The following TRIM44 variants were observed in gnomAD, a reference collection of about 807,000 sequenced individuals.
The protein encoded by TRIM44 is tripartite motif-containing protein 44.
A neutral mutation model predicts 37.4 loss-of-function variants in TRIM44; 13 were observed. That is an observed-to-expected ratio of 0.35 (90% confidence interval 0.23 to 0.55). TRIM44 has a LOEUF of 0.55. TRIM44 is among the 20% of genes least tolerant of loss of function. The probability of loss-of-function intolerance (pLI) is 0.89; values close to 1 mark genes in which losing one functional copy is unlikely to be tolerated. For missense variants in TRIM44, 426 were observed against 437.2 expected (o/e 0.97, Z 0.23); for synonymous variants, 175 against 157.2 (o/e 1.11, Z -0.85).
intron 1 of TRIM44, among the ~76,000 whole-genome samples, chr11:35,682,216 C>T (rs1227199965): frequency 6.6e-6 from 1 of 152,124 alleles, no homozygotes; most frequent in African/African-American, 2.4e-5. Flanking sequence ...CTTCCAGGGC[C>T]TGCAGAGCCT....
chr11:35,803,499 G>C (rs1590612331), intron 4 of TRIM44, among the ~76,000 whole-genome samples: 1 of 152,162 alleles, frequency 6.6e-6, no homozygotes, highest in Middle Eastern at 3.4e-3. Flanking sequence ...GGGAGACTGG[G>C]GCAGGCGGAA....
chr11:35,808,408 A>AAAAG lies in TRIM44; in HGVS notation c.*2025_*2028dup, dbSNP rs1853483752. On this transcript the variant is annotated 3_prime_UTR_variant, in exon 5 of 5. Coordinates refer to ENST00000299413, the MANE Select transcript of TRIM44 (RefSeq NM_017583.6). ...AAAAAATTTAAGTATCAGAAGATTA[A>AAAAG]AAAGATTTTAGGATTTGGAAGCTTG... 6.6e-6 allele frequency: 1 copy of AAAAG among 152,124 alleles called. No homozygotes were observed. Among genetic ancestry groups the AAAAG allele is most frequent in the South Asian group, 2.1e-4 (1 of 4,826 alleles). 9.4% of individuals were successfully genotyped at this position (152,124 alleles called of 1,614,324 possible).
intron 2 of TRIM44, among the ~76,000 whole-genome samples, chr11:35,717,382 G>C (rs1212755428): frequency 3.0e-4 from 46 of 152,206 alleles, no homozygotes. Flanking sequence ...GCAAGTGTTT[G>C]TATGTTACTT....
At chr11:35,715,691 T>G (rs919444223) in intron 2 of TRIM44, among the ~76,000 whole-genome samples, 1 of 152,118 alleles carries the variant, frequency 6.6e-6, no homozygotes, top group African/African-American at 2.4e-5. Context: ...AAGAACTACC[T>G]GAGACTGGGT....
rs139592296 is a variant in TRIM44 at position 35,786,300 on chromosome 11, A to C, written c.1008-20058A>C. Among the ~76,000 whole-genome samples the C allele has an allele frequency of 1.4e-3, 217 of 152,326 alleles. 1 individual carries two copies. The highest frequency in any genetic ancestry group is 2.7e-3 in the Non-Finnish European group (183 of 68,022). ...AAACTCAGGAAAATGACTTTCCCAA[A>C]GTTACATCATCTGCTTATCTCAGTT... On this transcript the variant is annotated intron_variant, in intron 4 of 4. Coordinates refer to ENST00000299413, the MANE Select transcript of TRIM44 (RefSeq NM_017583.6).
intron 4 of TRIM44, among the ~76,000 whole-genome samples, chr11:35,797,923 A>G (rs972610809): frequency 2.0e-5 from 3 of 152,262 alleles, no homozygotes; most frequent in Non-Finnish European, 4.4e-5. Flanking sequence ...TATCTGAGAC[A>G]GGTCTCAGTC....
chr11:35,764,760 A>G (rs999280310), intron 4 of TRIM44, among the ~76,000 whole-genome samples: 2 of 152,154 alleles, frequency 1.3e-5, no homozygotes, highest in African/African-American at 4.8e-5. Context: ...CAACCAGTAT[A>G]TGCTTGACCC....
chr11:35,768,934 T>TTAA (rs1161741970), intron 4 of TRIM44, among the ~76,000 whole-genome samples: 1 of 152,240 alleles, frequency 6.6e-6, no homozygotes, highest in Non-Finnish European at 1.5e-5. Context: ...GTGGTGTTTT[T>TTAA]TAATTTATAA....
At chr11:35,682,867 C>T (rs1178070891) in intron 1 of TRIM44, among the ~76,000 whole-genome samples, 1 of 152,024 alleles carries the variant, frequency 6.6e-6, no homozygotes, top group Non-Finnish European at 1.5e-5. Context: ...TCGTTTTATT[C>T]TTTTCTGAAG....
At chr11:35,790,359 T>C (rs1853191677) in intron 4 of TRIM44, among the ~76,000 whole-genome samples, 1 of 152,220 alleles carries the variant, frequency 6.6e-6, no homozygotes, top group Admixed American at 6.5e-5. Context: ...GGGAGATCTT[T>C]TGAAAGTGGC....
intron 2 of TRIM44, among the ~76,000 whole-genome samples, chr11:35,687,877 A>G (rs772360499): frequency 8.6e-5 from 13 of 151,844 alleles, no homozygotes; most frequent in Non-Finnish European, 1.9e-4. Flanking sequence ...TTTACTACCA[A>G]CCTATTTTAT....
intron 2 of TRIM44, among the ~76,000 whole-genome samples, chr11:35,712,311 G>T (rs1461985563): frequency 6.6e-6 from 1 of 152,090 alleles, no homozygotes; most frequent in Non-Finnish European, 1.5e-5. Context: ...CCAACTATAA[G>T]AAAAATAAAG....
chr11:35,699,731 A>C (rs2135499642), intron 2 of TRIM44, among the ~76,000 whole-genome samples: 1 of 151,818 alleles, frequency 6.6e-6, no homozygotes, highest in East Asian at 1.9e-4. Flanking sequence ...AATCTCCTTA[A>C]GCCCATAGGC....
intron 1 of TRIM44, among the ~76,000 whole-genome samples, chr11:35,685,052 G>T (rs990969411): frequency 6.6e-6 from 1 of 152,190 alleles, no homozygotes; most frequent in Non-Finnish European, 1.5e-5. Flanking sequence ...ATTCCATATA[G>T]TTGTGCCAGT....
At chr11:35,670,553 G>T (rs192575390) in intron 1 of TRIM44, among the ~76,000 whole-genome samples, 59 of 152,236 alleles carry the variant, frequency 3.9e-4, no homozygotes, top group Admixed American at 1.7e-3. Flanking sequence ...TTTACACTTA[G>T]TACGTCTTGG....
chr11:35,694,028 A>C (rs1223104936), intron 2 of TRIM44, among the ~76,000 whole-genome samples: 1 of 152,212 alleles, frequency 6.6e-6, no homozygotes, highest in Non-Finnish European at 1.5e-5. Flanking sequence ...TACTCACTTA[A>C]CTAAGCAGTC....
rs1051025364 is a variant in TRIM44 at position 35,813,977 on chromosome 11, A to G, written c.*7592A>G. On this transcript the variant is annotated 3_prime_UTR_variant, in exon 5 of 5. Transcript: ENST00000299413. The stretch of plus-strand genomic sequence containing the variant: ...AATGGCATGAACAGTGGAGGTGCCA[A>G]CTTTCCAATGTGATGAATAAAACTA... 1.3e-5 allele frequency: 2 copies of G among 152,312 alleles called. No individual in the cohort carries two copies. The highest frequency in any genetic ancestry group is 2.1e-4 in the South Asian group (1 of 4,828). The allele number at this position is 152,312 out of a possible 1,614,324, so 9.4% of individuals were successfully genotyped here. A position where few individuals can be genotyped will look rare whatever the true frequency, so the allele number is the denominator to read the frequency against.
chr11:35,737,249 T>G (rs1852338032), intron 4 of TRIM44, among the ~76,000 whole-genome samples: 1 of 152,214 alleles, frequency 6.6e-6, no homozygotes, highest in African/African-American at 2.4e-5. Context: ...CTTATAGACC[T>G]TCTTAAGGCA....
At chr11:35,774,390 T>A (rs1852921119) in intron 4 of TRIM44, among the ~76,000 whole-genome samples, 1 of 152,232 alleles carries the variant, frequency 6.6e-6, no homozygotes, top group African/African-American at 2.4e-5. Context: ...ATGGGTAGAT[T>A]GTAAAAATTT....
Sources: gnomAD v4.1 joint callset for allele counts (sites outside exome capture counted in the v4.1 genomes callset) on GRCh38, gnomAD v4.1.1 for gene constraint, MANE v1.5 for transcripts, NCBI Gene and HGNC (gene_info 2026-07-23, HGNC 2026-07-21) for gene names.